The following FNDC3B variants were observed in gnomAD, a reference collection of about 807,000 sequenced individuals.
FNDC3B encodes fibronectin type III domain containing 3B, also known as fibronectin type III domain-containing protein 3B.
In FNDC3B, 12 loss-of-function variants were observed where a neutral mutation model predicts 151.5. The ratio of observed to expected loss-of-function variants is 0.08; its 90% CI spans 0.05 to 0.13. FNDC3B has a LOEUF of 0.13. Among genes scored for constraint, FNDC3B ranks in the 10% least tolerant of loss-of-function variants. FNDC3B has a pLI of 1.00. For synonymous variants in FNDC3B, 528 were observed against 549.0 expected, an observed-to-expected ratio of 0.96 and a Z score of 0.54; for missense variants, 1,214 against 1,505.3, an observed-to-expected ratio of 0.81 and a Z score of 3.20.
At chr3:172,249,012 C>CT (rs1044363301) in intron 5 of FNDC3B, among the ~76,000 whole-genome samples, 6 of 151,486 alleles carry the variant, frequency 4.0e-5, no homozygotes, top group Non-Finnish European at 2.9e-5. Flanking sequence ...TCAATTTGAT[C>CT]TTTTTTCCAT....
intron 3 of FNDC3B, among the ~76,000 whole-genome samples, chr3:172,171,857 C>A (rs2108635983): frequency 6.6e-6 from 1 of 152,044 alleles, no homozygotes; most frequent in East Asian, 1.9e-4. Flanking sequence ...GGGTTTTACC[C>A]CATGTCTGCC....
At chr3:172,176,761 A>G (rs1273309683) in intron 3 of FNDC3B, among the ~76,000 whole-genome samples, 1 of 152,210 alleles carries the variant, frequency 6.6e-6, no homozygotes, top group Non-Finnish European at 1.5e-5. Context: ...AGAAAAAATT[A>G]TTCTGTGATA....
intron 1 of FNDC3B, among the ~76,000 whole-genome samples, chr3:172,106,626 G>A (rs569213927): frequency 2.7e-4 from 41 of 152,264 alleles, no homozygotes; most frequent in African/African-American, 9.9e-4. Context: ...TAATTTGAAG[G>A]CCAGTTTCAC....
At chr3:172,225,428 C>A (rs1438755417) in intron 3 of FNDC3B, 3 of 229,086 alleles carry the variant, frequency 1.3e-5, no homozygotes, top group South Asian at 6.8e-5. Flanking sequence ...AGTGCTGAGC[C>A]TTGTCTTCTG....
intron 10 of FNDC3B, among the ~76,000 whole-genome samples, chr3:172,308,273 A>G (rs1232861984): frequency 6.6e-6 from 1 of 152,222 alleles, no homozygotes; most frequent in Non-Finnish European, 1.5e-5. Context: ...GAGAGATCAT[A>G]TTGCCCCTTC....
intron 6 of FNDC3B, among the ~76,000 whole-genome samples, chr3:172,265,517 C>T (rs1728883652): frequency 6.6e-6 from 1 of 152,146 alleles, no homozygotes; most frequent in Non-Finnish European, 1.5e-5. Context: ...AAGATGTTTA[C>T]TTGAAATGGT....
chr3:172,261,002 TCCCA>T (rs1196779722), intron 6 of FNDC3B, among the ~76,000 whole-genome samples: 1 of 152,174 alleles, frequency 6.6e-6, no homozygotes, highest in African/African-American at 2.4e-5. Flanking sequence ...TTTATTTTTC[TCCCA>T]CCCACATTCC....
At chr3:172,073,863 C>T (rs560906160) in intron 1 of FNDC3B, among the ~76,000 whole-genome samples, 19 of 151,438 alleles carry the variant, frequency 1.3e-4, no homozygotes, top group African/African-American at 4.1e-4. Context: ...GTCCTCTTCA[C>T]TGAGGACAAA....
chr3:172,349,004 AT>A (rs986014418), intron 21 of FNDC3B, among the ~76,000 whole-genome samples: 3 of 152,158 alleles, frequency 2.0e-5, no homozygotes, highest in Admixed American at 2.0e-4. Flanking sequence ...AAGAATTTAA[AT>A]ATTGGCCGGG....
At position 172,219,163 on chromosome 3, in the gene FNDC3B, G is replaced by A. The variant is rs539421762; in HGVS notation, c.188-7708G>A. On this transcript the variant is annotated intron_variant, in intron 3 of 25. Coordinates refer to ENST00000415807, the MANE Select transcript of FNDC3B (RefSeq NM_022763.4). ...CCTCCTCAGTTCTGCAATTACTAACGTTTCCACAAGATAGTAATCTTTTTA... is the reference window on the plus strand; with the variant it reads ...CCTCCTCAGTTCTGCAATTACTAACATTTCCACAAGATAGTAATCTTTTTA... Among the ~76,000 whole-genome samples the A allele has an allele frequency of 3.1e-3, 475 of 152,188 alleles. 3 individuals are homozygous for A. Among genetic ancestry groups the A allele is most frequent in the Non-Finnish European group, 5.4e-3 (367 of 68,016 alleles).
At chr3:172,083,202 C>T (rs1718369594) in intron 1 of FNDC3B, among the ~76,000 whole-genome samples, 1 of 152,178 alleles carries the variant, frequency 6.6e-6, no homozygotes, top group Non-Finnish European at 1.5e-5. Flanking sequence ...GGTTCCTGTA[C>T]CACAGAAAAA....
chr3:172,108,276 A>G (rs926165574), intron 1 of FNDC3B, among the ~76,000 whole-genome samples: 3 of 152,238 alleles, frequency 2.0e-5, no homozygotes, highest in Non-Finnish European at 4.4e-5. Flanking sequence ...TGAATACAGT[A>G]TTCTTATAAA....
At chr3:172,064,937 C>G (rs181156570) in intron 1 of FNDC3B, among the ~76,000 whole-genome samples, 1 of 152,256 alleles carries the variant, frequency 6.6e-6, no homozygotes, top group East Asian at 1.9e-4. Flanking sequence ...TTAATGGGTC[C>G]CCATTGATCC....
At chr3:172,354,412 T>TTTGC in intron 22 of FNDC3B, among the ~76,000 whole-genome samples, 1 of 151,880 alleles carries the variant, frequency 6.6e-6, no homozygotes, top group African/African-American at 2.4e-5. Flanking sequence ...AATTAATATT[T>TTTGC]TTGCTTGCTA....
At chr3:172,393,869 G>T (rs1736139813) in intron 25 of FNDC3B, among the ~76,000 whole-genome samples, 2 of 152,052 alleles carry the variant, frequency 1.3e-5, no homozygotes, top group Non-Finnish European at 2.9e-5. Context: ...AGCACTTTGG[G>T]AGGCTGAGGT....
intron 2 of FNDC3B, among the ~76,000 whole-genome samples, chr3:172,132,227 G>A (rs751155276): frequency 6.6e-6 from 1 of 152,150 alleles, no homozygotes; most frequent in Admixed American, 6.5e-5. Context: ...TACAGGAAGA[G>A]TATCACAGAC....
chr3:172,387,795 C>T (rs1414441878), intron 25 of FNDC3B, among the ~76,000 whole-genome samples: 2 of 152,178 alleles, frequency 1.3e-5, no homozygotes, highest in African/African-American at 4.8e-5. Flanking sequence ...ATAGTCAGTA[C>T]TCTAAGAGTT....
At chr3:172,375,880 GCCT>G (rs1464269160) in intron 23 of FNDC3B, among the ~76,000 whole-genome samples, 1 of 152,114 alleles carries the variant, frequency 6.6e-6, no homozygotes, top group African/African-American at 2.4e-5. Context: ...CTCCAAGGTG[GCCT>G]CCTGGAGCTG....
chr3:172,159,887 T>TA (rs1224808851), intron 3 of FNDC3B, among the ~76,000 whole-genome samples: 2 of 152,248 alleles, frequency 1.3e-5, no homozygotes, highest in Non-Finnish European at 2.9e-5. Context: ...ACATAGATAG[T>TA]ACACCATTTT....
Sources: allele counts gnomAD v4.1 joint callset (sites outside exome capture counted in the v4.1 genomes callset), GRCh38; gene constraint gnomAD v4.1.1; transcripts MANE v1.5; gene names NCBI Gene and HGNC (gene_info 2026-07-23, HGNC 2026-07-21).